The following DAB1 variants were observed in gnomAD, a reference collection of about 807,000 sequenced individuals.
The protein encoded by DAB1 is disabled homolog 1.
In DAB1, 15 loss-of-function variants were observed where a neutral mutation model predicts 64.6. That is an observed-to-expected ratio of 0.23 (90% CI 0.16 to 0.36). DAB1 has a LOEUF of 0.36. Ranked by LOEUF, DAB1 falls within the 10% of genes least tolerant of loss-of-function variation. The pLI is 1.00. For missense variants in DAB1, 596 were observed against 706.7 expected (o/e 0.84, Z 1.78); for synonymous variants, 235 against 251.9 (o/e 0.93, Z 0.64).
chr1:57,924,606 C>T (rs557184101), intron 5 of DAB1, among the ~76,000 whole-genome samples: 2 of 151,286 alleles, frequency 1.3e-5, no homozygotes, highest in Admixed American at 6.6e-5. Flanking sequence ...ATTACAGGCA[C>T]CCACCACCAC....
intron 5 of DAB1, among the ~76,000 whole-genome samples, chr1:58,052,151 T>G (rs150285763): frequency 1.4e-4 from 21 of 152,216 alleles, no homozygotes; most frequent in Non-Finnish European, 1.8e-4. Context: ...TTGCCTAGGT[T>G]TTCTTCTAAG....
intron 7 of DAB1, among the ~76,000 whole-genome samples, chr1:57,464,857 T>G (rs917755006): frequency 6.6e-6 from 1 of 151,958 alleles, no homozygotes. Flanking sequence ...AGGTAAATAT[T>G]GAGACAAGAT....
At chr1:58,401,359 G>A (rs1373981756) in intron 3 of DAB1, among the ~76,000 whole-genome samples, 2 of 152,140 alleles carry the variant, frequency 1.3e-5, no homozygotes, top group Non-Finnish European at 2.9e-5. Flanking sequence ...GCTCCCATAA[G>A]GGGGATAGGA....
At chr1:57,085,939 C>T (rs1013485050) in intron 4 of DAB1, among the ~76,000 whole-genome samples, 3 of 151,904 alleles carry the variant, frequency 2.0e-5, no homozygotes, top group African/African-American at 7.3e-5. Context: ...AGTGTGGGAG[C>T]GGTGGGGATC....
chr1:57,675,337 A>G (rs1397043167), intron 6 of DAB1, among the ~76,000 whole-genome samples: 1 of 152,240 alleles, frequency 6.6e-6, no homozygotes, highest in Non-Finnish European at 1.5e-5. Flanking sequence ...AACGTAACAC[A>G]AGGCTAACAT....
At chr1:57,962,899 TA>T (rs966374420) in intron 5 of DAB1, among the ~76,000 whole-genome samples, 28 of 151,366 alleles carry the variant, frequency 1.8e-4, no homozygotes, top group African/African-American at 6.8e-4. Flanking sequence ...CAAAAAAAAA[TA>T]AAAACCTCAA....
chr1:57,019,916 A>G (rs1646559201), intron 11 of DAB1, among the ~76,000 whole-genome samples: 1 of 152,254 alleles, frequency 6.6e-6, no homozygotes, highest in African/African-American at 2.4e-5. Context: ...ATTTGAAAAA[A>G]GAAAAAAAGG....
chr1:57,038,940 C>T (rs1647355034), intron 9 of DAB1, among the ~76,000 whole-genome samples: 7 of 152,186 alleles, frequency 4.6e-5, no homozygotes, highest in Admixed American at 3.9e-4. Context: ...AACGGGCTAA[C>T]GCAAATGACA....
At chr1:57,631,715 A>G (rs143528696) in intron 7 of DAB1, among the ~76,000 whole-genome samples, 5 of 152,346 alleles carry the variant, frequency 3.3e-5, no homozygotes, top group African/African-American at 1.2e-4. Flanking sequence ...ATAAAAATTG[A>G]AATAACAGAA....
chr1:57,436,665 G>A (rs1685706406), intron 7 of DAB1, among the ~76,000 whole-genome samples: 1 of 152,214 alleles, frequency 6.6e-6, no homozygotes, highest in African/African-American at 2.4e-5. Flanking sequence ...GTTACACCAA[G>A]ATGGATGCAC....
chr1:58,471,619 G>A (rs1464396948), intron 3 of DAB1, among the ~76,000 whole-genome samples: 2 of 152,138 alleles, frequency 1.3e-5, no homozygotes, highest in East Asian at 1.9e-4. Context: ...TTTTGGAGGT[G>A]GGGCCCAGTG....
chr1:57,325,011 A>C (rs2100777077), intron 1 of DAB1, among the ~76,000 whole-genome samples: 1 of 152,336 alleles, frequency 6.6e-6, no homozygotes, highest in East Asian at 1.9e-4. Context: ...ATGCTCAAGT[A>C]ATGTTTGTTT....
chr1:57,392,303 G>T (rs1170105726), intron 1 of DAB1, among the ~76,000 whole-genome samples: 3 of 152,186 alleles, frequency 2.0e-5, no homozygotes, highest in African/African-American at 7.2e-5. Flanking sequence ...AACCCAGGGG[G>T]CGGAGGTTGC....
intron 4 of DAB1, among the ~76,000 whole-genome samples, chr1:58,200,164 G>A (rs928888541): frequency 3.3e-5 from 5 of 152,180 alleles, no homozygotes; most frequent in African/African-American, 1.2e-4. Context: ...TATTCAAGGA[G>A]TGACAAAATG....
chr1:57,382,758 C>G (rs1016195786), intron 1 of DAB1, among the ~76,000 whole-genome samples: 2 of 152,140 alleles, frequency 1.3e-5, no homozygotes, highest in African/African-American at 4.8e-5. Context: ...ATTGGTCCAC[C>G]TTGATAATCC....
At chr1:57,872,746 C>T (rs191163453) in intron 1 of DAB1, among the ~76,000 whole-genome samples, 6 of 151,924 alleles carry the variant, frequency 3.9e-5, no homozygotes, top group South Asian at 2.1e-4. Flanking sequence ...TCCTCACTGA[C>T]GGGAGTGTGA....
chr1:57,431,167 A>G (rs1278465113), intron 7 of DAB1, among the ~76,000 whole-genome samples: 3 of 151,870 alleles, frequency 2.0e-5, no homozygotes, highest in Non-Finnish European at 4.4e-5. Context: ...AGAAAAACAA[A>G]AAAAAAGAAG....
At chr1:57,229,107 C>T (rs1667483374) in intron 2 of DAB1, among the ~76,000 whole-genome samples, 1 of 151,916 alleles carries the variant, frequency 6.6e-6, no homozygotes, top group African/African-American at 2.4e-5. Context: ...AAACATTAAA[C>T]ACAAAACTCA....
At chr1:57,586,326 G>A (rs1311020758) in intron 7 of DAB1, among the ~76,000 whole-genome samples, 2 of 152,166 alleles carry the variant, frequency 1.3e-5, no homozygotes, top group African/African-American at 2.4e-5. Context: ...AAGGCTGGGT[G>A]AATTGATGCC....
Sources: allele counts gnomAD v4.1 joint callset (sites outside exome capture counted in the v4.1 genomes callset), GRCh38; gene constraint gnomAD v4.1.1; transcripts MANE v1.5; gene names NCBI Gene and HGNC (gene_info 2026-07-23, HGNC 2026-07-21).